The following TTC39B variants were observed in gnomAD, a reference collection of about 807,000 sequenced individuals.
The protein encoded by TTC39B is tetratricopeptide repeat protein 39B.
A neutral mutation model predicts 96.6 loss-of-function variants in TTC39B; 92 were observed. The observed-to-expected ratio is 0.95, with a 90% CI of 0.80 to 1.13. The LOEUF (loss-of-function observed/expected upper bound fraction) is 1.13. TTC39B is among the 50% of genes most tolerant of loss of function. The probability of loss-of-function intolerance (pLI) is 0.00; values close to 1 mark genes in which losing one functional copy is unlikely to be tolerated. For synonymous variants in TTC39B, 367 were observed against 299.4 expected, an observed-to-expected ratio of 1.23 and a Z score of -2.33; for missense variants, 955 against 809.3, an observed-to-expected ratio of 1.18 and a Z score of -2.18.
chr9:15,234,651 A>G (rs1821681832), intron 2 of TTC39B, among the ~76,000 whole-genome samples: 2 of 152,198 alleles, frequency 1.3e-5, no homozygotes, highest in South Asian at 4.2e-4. Flanking sequence ...AGGGAGAAGT[A>G]GACATGGGAG....
chr9:15,203,905 T>C lies in TTC39B; in HGVS notation c.692-15A>G, dbSNP rs1564342735. On this transcript the variant is annotated splice_polypyrimidine_tract_variant and intron_variant, in intron 6 of 19. Transcript: ENST00000512701. The stretch of plus-strand genomic sequence containing the variant: ...ATGCATTTCCTCTACAAAAAACAAA[T>C]AAAATTATATTAAGTAAAATCACAC... The C allele has an allele frequency of 1.2e-6, 2 of 1,605,618 alleles. No individual in the cohort carries two copies. The highest frequency in any genetic ancestry group is 1.3e-5 in the African/African-American group (1 of 74,490).
chr9:15,164,929 A>T (rs550382252), exon 20 of TTC39B: 2 of 152,366 alleles, frequency 1.3e-5, no homozygotes, highest in South Asian at 4.1e-4. Context: ...ACAGCCTAAG[A>T]TTTAAAATGT....
At chr9:15,183,972 C>A (rs1436016415) in intron 16 of TTC39B, among the ~76,000 whole-genome samples, 2 of 152,150 alleles carry the variant, frequency 1.3e-5, no homozygotes, top group African/African-American at 4.8e-5. Context: ...CAGGCTAACT[C>A]CTGTCTGACC....
intron 1 of TTC39B, among the ~76,000 whole-genome samples, chr9:15,296,098 C>T (rs1460315900): frequency 2.6e-5 from 4 of 152,136 alleles, no homozygotes; most frequent in Admixed American, 6.5e-5. Context: ...GTCCAGAATG[C>T]CAGGACAAAG....
intron 3 of TTC39B, among the ~76,000 whole-genome samples, chr9:15,221,645 T>A (rs187119874): frequency 6.6e-6 from 1 of 152,310 alleles, no homozygotes; most frequent in East Asian, 1.9e-4. Context: ...AGAGCAGAGT[T>A]CTGACCCAGA....
At chr9:15,189,467 A>C in intron 13 of TTC39B, 107 bp downstream of exon 13, 1 of 1,140,610 alleles carries the variant, frequency 8.8e-7, no homozygotes, top group East Asian at 2.5e-5. Context: ...ATTTTTGTCT[A>C]GTCCATATAG....
At chr9:15,185,521 C>T (rs923495868) in intron 15 of TTC39B, 115 bp from the exon 16 acceptor site, 2 of 1,498,974 alleles carry the variant, frequency 1.3e-6, no homozygotes, top group Non-Finnish European at 1.8e-6. Flanking sequence ...GCAGCATCAC[C>T]TGGGAACCTA....
At chr9:15,265,091 T>A (rs1470141767) in intron 2 of TTC39B, among the ~76,000 whole-genome samples, 1 of 152,208 alleles carries the variant, frequency 6.6e-6, no homozygotes, top group Admixed American at 6.5e-5. Flanking sequence ...GCTGGAATAG[T>A]GGGCTAGCAA....
At chr9:15,263,701 T>C (rs1823022629) in intron 2 of TTC39B, among the ~76,000 whole-genome samples, 2 of 152,216 alleles carry the variant, frequency 1.3e-5, no homozygotes, top group African/African-American at 4.8e-5. Context: ...CTGCAGACTC[T>C]GAATGGAGGC....
In TTC39B at chr9:15,306,990, G is replaced by C; in HGVS notation, c.240+94C>G. ...ACCCCAGAGAGGGGACCAAGGGGGCGGGGCCTCGGCCGTCCTAGCCGGGCT... is the reference window on the plus strand; with the variant it reads ...ACCCCAGAGAGGGGACCAAGGGGGCCGGGCCTCGGCCGTCCTAGCCGGGCT... On this transcript the variant is annotated intron_variant, in intron 1 of 19. Transcript: ENST00000512701. This position sits in a 1 kb window ranked among gnomAD's most constrained non-coding sequence, Gnocchi z 5.1. 6.5e-7 allele frequency: 1 copy of C among 1,528,490 alleles called. No individual in the cohort carries two copies. Among genetic ancestry groups the C allele is most frequent in the Non-Finnish European group, 8.8e-7 (1 of 1,134,688 alleles). The allele number at this position is 1,528,490 out of a possible 1,614,324, so 94.7% of individuals were successfully genotyped here. A position where few individuals can be genotyped will look rare whatever the true frequency, so the allele number is the denominator to read the frequency against.
At chr9:15,274,380 C>A (rs1211607761) in intron 1 of TTC39B, among the ~76,000 whole-genome samples, 1 of 152,324 alleles carries the variant, frequency 6.6e-6, no homozygotes, top group Middle Eastern at 3.4e-3. Context: ...ACCAACTAGT[C>A]GCATCTTATC....
chr9:15,302,407 G>A (rs916534732), intron 1 of TTC39B, among the ~76,000 whole-genome samples: 1 of 150,726 alleles, frequency 6.6e-6, no homozygotes, highest in South Asian at 2.1e-4. Context: ...ACAAGGTCAG[G>A]AGTTCGAGAC....
chr9:15,224,789 A>G (rs1821031753), intron 3 of TTC39B, among the ~76,000 whole-genome samples: 1 of 152,232 alleles, frequency 6.6e-6, no homozygotes. Flanking sequence ...TTACACACAC[A>G]GTAAAAAAAA....
chr9:15,176,364 T>C (rs1270650329), intron 18 of TTC39B, among the ~76,000 whole-genome samples: 2 of 152,232 alleles, frequency 1.3e-5, no homozygotes, highest in African/African-American at 4.8e-5. Flanking sequence ...TAGAATTCAA[T>C]AGATATTTCT....
rs1187802765 is a variant in TTC39B at position 15,293,380 on chromosome 9, GC to G, written c.240+13703del. Among the ~76,000 whole-genome samples, 4 of 152,170 alleles carry G rather than the reference GC, an allele frequency of 2.6e-5. No individual in the cohort carries two copies. In the East Asian group the frequency reaches 5.8e-4, roughly 22 times the overall value. On this transcript the variant is annotated intron_variant, in intron 1 of 19. Transcript: ENST00000512701. ...CTAGTTGCTGAGCACCTGGAGGTGGGCTGGTACCTGAGGGAGGTCTGAAATG... is the reference window on the plus strand; with the variant it reads ...CTAGTTGCTGAGCACCTGGAGGTGGGTGGTACCTGAGGGAGGTCTGAAATG...
chr9:15,213,601 A>T (rs1820332974), intron 4 of TTC39B, among the ~76,000 whole-genome samples: 1 of 152,222 alleles, frequency 6.6e-6, no homozygotes, highest in Non-Finnish European at 1.5e-5. Flanking sequence ...ACAATGTACG[A>T]TTATTCTTGT....
intron 1 of TTC39B, among the ~76,000 whole-genome samples, chr9:15,274,653 G>A (rs1016483539): frequency 2.0e-5 from 3 of 152,040 alleles, no homozygotes; most frequent in African/African-American, 7.2e-5. Context: ...CACCTGTAAC[G>A]ACTGTTGTTG....
intron 8 of TTC39B, among the ~76,000 whole-genome samples, chr9:15,195,578 G>C (rs997395066): frequency 3.4e-5 from 5 of 149,194 alleles, no homozygotes; most frequent in Non-Finnish European, 5.9e-5. Flanking sequence ...GCTGAGGCAG[G>C]AGAATCACTT....
At chr9:15,246,257 T>C (rs1250677475) in intron 2 of TTC39B, among the ~76,000 whole-genome samples, 1 of 152,010 alleles carries the variant, frequency 6.6e-6, no homozygotes, top group African/African-American at 2.4e-5. Context: ...AAACTCCATC[T>C]CAAAAAATAA....
Sources: allele counts gnomAD v4.1 joint callset (sites outside exome capture counted in the v4.1 genomes callset), GRCh38; gene constraint gnomAD v4.1.1; non-coding constraint Gnocchi (gnomAD v3.1); transcripts MANE v1.5; gene names NCBI Gene and HGNC (gene_info 2026-07-23, HGNC 2026-07-21).